The following DOCK2 variants were observed in gnomAD, a reference collection of about 807,000 sequenced individuals.
DOCK2 encodes dedicator of cytokinesis 2, also known as dedicator of cytokinesis protein 2.
DOCK2 carries 87 observed loss-of-function variants against 248.9 expected under a neutral mutation model. The observed-to-expected ratio is 0.35, with a 90% CI of 0.29 to 0.42. The LOEUF (loss-of-function observed/expected upper bound fraction) is 0.42. DOCK2 is among the 10% of genes least tolerant of loss of function. The pLI is 1.00. For missense variants in DOCK2, 1,747 were observed against 2,300.2 expected (o/e 0.76, Z 4.92); for synonymous variants, 805 against 821.6 (o/e 0.98, Z 0.35).
intron 30 of DOCK2, among the ~76,000 whole-genome samples, chr5:169,996,914 T>G (rs1332322226): frequency 1.3e-5 from 2 of 152,152 alleles, no homozygotes; most frequent in Non-Finnish European, 2.9e-5. Flanking sequence ...TGGGTGTTTC[T>G]CGTAAGGTGG....
intron 27 of DOCK2, among the ~76,000 whole-genome samples, chr5:169,859,479 G>A (rs890089868): frequency 3.9e-5 from 6 of 152,188 alleles, no homozygotes; most frequent in African/African-American, 7.2e-5. Context: ...CTTGATGGGC[G>A]TAGTGATCAT....
chr5:169,650,029 C>G (rs1402007478), intron 1 of DOCK2, among the ~76,000 whole-genome samples: 1 of 152,182 alleles, frequency 6.6e-6, no homozygotes, highest in East Asian at 1.9e-4. Flanking sequence ...GTCTCAAACT[C>G]CTGACCTCAA....
At chr5:169,704,490 G>A (rs1053900693) in intron 14 of DOCK2, among the ~76,000 whole-genome samples, 2 of 152,118 alleles carry the variant, frequency 1.3e-5, no homozygotes, top group African/African-American at 4.8e-5. Flanking sequence ...GGGCTCTGGG[G>A]TCAGGCAGAC....
chr5:170,055,700 G>A (rs528889076), intron 42 of DOCK2, among the ~76,000 whole-genome samples: 75 of 152,334 alleles, frequency 4.9e-4, no homozygotes, highest in African/African-American at 1.7e-3. Flanking sequence ...GTGGCCCCAG[G>A]GAGTCCACAG....
At chr5:169,791,918 A>C (rs573674406) in intron 25 of DOCK2, among the ~76,000 whole-genome samples, 1 of 152,166 alleles carries the variant, frequency 6.6e-6, no homozygotes, top group African/African-American at 2.4e-5. Context: ...TGTCCCTTTA[A>C]AAAAATATGT....
At chr5:169,894,715 C>G (rs1290255277) in intron 27 of DOCK2, among the ~76,000 whole-genome samples, 3 of 152,212 alleles carry the variant, frequency 2.0e-5, no homozygotes, top group Non-Finnish European at 4.4e-5. Flanking sequence ...ATGTGCAACA[C>G]ACAGTAGGTG....
intron 27 of DOCK2, among the ~76,000 whole-genome samples, chr5:169,965,594 C>G (rs559822451): frequency 1.3e-5 from 2 of 152,230 alleles, no homozygotes; most frequent in East Asian, 3.9e-4. Context: ...CGTTAAACAT[C>G]CCAATGTCGG....
chr5:169,650,174 T>C (rs1757721826), intron 1 of DOCK2, among the ~76,000 whole-genome samples: 1 of 152,242 alleles, frequency 6.6e-6, no homozygotes, highest in South Asian at 2.1e-4. Context: ...CAGTAGGTAC[T>C]ACATACTGTG....
At chr5:170,016,059 A>G (rs1378721042) in intron 32 of DOCK2, among the ~76,000 whole-genome samples, 1 of 152,152 alleles carries the variant, frequency 6.6e-6, no homozygotes. Flanking sequence ...AGAAACCAAG[A>G]CCAGAGAATT....
chr5:170,042,761 T>C (rs1205462300), intron 38 of DOCK2, among the ~76,000 whole-genome samples: 1 of 152,254 alleles, frequency 6.6e-6, no homozygotes, highest in East Asian at 1.9e-4. Flanking sequence ...GTTACCCTTA[T>C]GGCTTCTTCA....
At chr5:169,786,246 T>A (rs1226418291) in intron 25 of DOCK2, among the ~76,000 whole-genome samples, 1 of 152,182 alleles carries the variant, frequency 6.6e-6, no homozygotes, top group Non-Finnish European at 1.5e-5. Flanking sequence ...TGGTGTTCTT[T>A]GTCTTGGCAG....
At position 169,670,570 on chromosome 5, in the gene DOCK2, T is replaced by G; in HGVS notation, c.197T>G (p.Ile66Ser). The change falls in exon 4 of 52, where the codon ATC becomes AGC. Residue 66 changes from isoleucine to serine, a missense_variant. Physicochemically the swap from Ile to Ser is moderately radical, Grantham distance 142. This residue lies in a region of DOCK2 where 375 missense variants were observed against 510.9 expected (regional missense o/e 0.73). Transcript: ENST00000520908. ...QGIFPKSFIH[I>S]KEVTVEKRRN... ...ATTTTTCCTAAGTCATTTATCCACA[T>G]CAAGGAAGTGACAGTTGAGAAAAGA... 6.2e-7 allele frequency: 1 copy of G among 1,614,010 alleles called. No individual in the cohort carries two copies. The highest frequency in any genetic ancestry group is 8.5e-7 in the Non-Finnish European group (1 of 1,179,982).
chr5:169,726,549 GC>G (rs1762483669), intron 22 of DOCK2, among the ~76,000 whole-genome samples: 1 of 152,108 alleles, frequency 6.6e-6, no homozygotes, highest in African/African-American at 2.4e-5. Context: ...TTTTGCCATT[GC>G]TTTTGGTGTT....
At position 170,056,756 on chromosome 5, in the gene DOCK2, G is replaced by T. The variant is rs1481002639; in HGVS notation, c.4368G>T (p.Glu1456Asp). 6.2e-7 allele frequency: 1 copy of T among 1,613,788 alleles called. No individual in the cohort carries two copies. Among genetic ancestry groups the T allele is most frequent in the East Asian group, 2.2e-5 (1 of 44,868 alleles). Residue 1456 changes from glutamate (E) to aspartate (D), a missense_variant, in exon 43 of 52, where the codon GAG becomes GAT. By Grantham distance (45) the Glu-to-Asp change is conservative. Transcript: ENST00000520908. ...RPVRRGTVDP[E>D]NEFASMWIER... ...TGCGCAGGGGGACCGTAGACCCAGA[G>T]AATGAGTTTGCTGTGAGTATCTTCC... is the stretch of plus-strand genomic sequence containing the variant.
intron 27 of DOCK2, among the ~76,000 whole-genome samples, chr5:169,932,016 C>G (rs7708088): frequency 1.3e-5 from 2 of 152,230 alleles, no homozygotes; most frequent in African/African-American, 4.8e-5. Context: ...ATAAGCCCAA[C>G]AGAGTCCTGA....
chr5:169,795,301 G>A (rs564686494), intron 25 of DOCK2, among the ~76,000 whole-genome samples: 1 of 152,286 alleles, frequency 6.6e-6, no homozygotes, highest in South Asian at 2.1e-4. Flanking sequence ...GATACCTGGA[G>A]AGAATTTTAA....
chr5:169,637,403 G>A, intron 1 of DOCK2, 34 bp downstream of exon 1: 1 of 1,343,542 alleles, frequency 7.4e-7, no homozygotes, highest in South Asian at 1.8e-5. Flanking sequence ...GCAGGGAGCG[G>A]GACAGGTGGC....
intron 6 of DOCK2, among the ~76,000 whole-genome samples, chr5:169,677,158 G>A (rs942011814): frequency 1.3e-5 from 2 of 152,114 alleles, no homozygotes; most frequent in South Asian, 2.1e-4. Flanking sequence ...TATGGGTCAG[G>A]TTGAGCATTC....
At chr5:169,957,678 A>T (rs1442864721) in intron 27 of DOCK2, among the ~76,000 whole-genome samples, 1 of 151,790 alleles carries the variant, frequency 6.6e-6, no homozygotes, top group Non-Finnish European at 1.5e-5. Flanking sequence ...ATATTTGGAA[A>T]CCCTTCTGAG....
Sources: allele counts gnomAD v4.1 joint callset (sites outside exome capture counted in the v4.1 genomes callset), GRCh38; gene constraint gnomAD v4.1.1; regional missense constraint gnomAD v4.1.1; transcripts MANE v1.5; gene names NCBI Gene and HGNC (gene_info 2026-07-23, HGNC 2026-07-21).